Variants in FKBP5 observed in about 807,000 individuals in gnomAD.
FKBP5 encodes the protein FKBP prolyl isomerase 5.
Under a neutral mutation model 50.5 loss-of-function variants are expected in FKBP5, and 23 were observed. That is an observed-to-expected ratio of 0.46 (90% CI 0.33 to 0.65). The LOEUF (loss-of-function observed/expected upper bound fraction) is 0.65. FKBP5 is among the 30% of genes least tolerant of loss of function. The probability of loss-of-function intolerance (pLI) is 0.02; values close to 1 mark genes in which losing one functional copy is unlikely to be tolerated. For missense variants in FKBP5, 411 were observed against 553.1 expected (o/e 0.74, Z 2.58); for synonymous variants, 176 against 190.6 (o/e 0.92, Z 0.63).
chr6:35,678,589 A>T (rs1278205069), intron 1 of FKBP5, among the ~76,000 whole-genome samples: 2 of 152,192 alleles, frequency 1.3e-5, no homozygotes, highest in African/African-American at 2.4e-5. Flanking sequence ...TTTCTTTTCC[A>T]GGCTATGAAT....
chr6:35,668,946 A>C (rs1765306198), intron 1 of FKBP5, among the ~76,000 whole-genome samples: 1 of 152,170 alleles, frequency 6.6e-6, no homozygotes, highest in Admixed American at 6.6e-5. Context: ...TTTTTTTTAT[A>C]ACTTCAAAAC....
chr6:35,625,881 G>A (rs1347371997), intron 3 of FKBP5, among the ~76,000 whole-genome samples: 4 of 151,002 alleles, frequency 2.6e-5, no homozygotes, highest in South Asian at 2.1e-4. Flanking sequence ...CCGGGTTCAC[G>A]CCATTCTCCT....
At chr6:35,665,403 T>C (rs2151001540) in intron 1 of FKBP5, among the ~76,000 whole-genome samples, 1 of 151,866 alleles carries the variant, frequency 6.6e-6, no homozygotes, top group South Asian at 2.1e-4. Flanking sequence ...TTCTCCTGCC[T>C]CAGCCTCCCG....
At chr6:35,721,292 C>T (rs1209283801) in intron 1 of FKBP5, among the ~76,000 whole-genome samples, 1 of 151,548 alleles carries the variant, frequency 6.6e-6, no homozygotes, top group Non-Finnish European at 1.5e-5. Flanking sequence ...GTGGAGGTTG[C>T]AGTGAGCTGG....
At chr6:35,604,361 A>G (rs909076243) in intron 5 of FKBP5, among the ~76,000 whole-genome samples, 56 of 152,204 alleles carry the variant, frequency 3.7e-4, no homozygotes, top group African/African-American at 1.4e-3. Flanking sequence ...CTTGAAGATA[A>G]CTTTTTGGAA....
intron 2 of FKBP5, among the ~76,000 whole-genome samples, chr6:35,705,938 C>T (rs529531411): frequency 1.3e-5 from 2 of 152,026 alleles, no homozygotes; most frequent in Non-Finnish European, 2.9e-5. Context: ...GGCACAACCC[C>T]GTCTCTACTA....
Position 35,679,589 on chromosome 6 carries a change from C to T in FKBP5, c.-20+9215G>A, listed in dbSNP as rs1765613663. Among the ~76,000 whole-genome samples, 10 of 152,022 alleles carry T rather than the reference C, an allele frequency of 6.6e-5. No homozygotes were observed. In the South Asian group the frequency reaches 2.1e-3, roughly 32 times the overall value. On this transcript the variant is annotated intron_variant, in intron 1 of 10. Coordinates refer to ENST00000357266, the MANE Select transcript of FKBP5 (RefSeq NM_004117.4). ...ACACACACAACGGAATACTACTCAG[C>T]CATAAAAAAGGAATGAAATAATGTC...
intron 3 of FKBP5, among the ~76,000 whole-genome samples, chr6:35,622,246 T>C (rs1314280576): frequency 1.3e-5 from 2 of 152,214 alleles, no homozygotes; most frequent in Admixed American, 1.3e-4. Context: ...TAGTGGCTCA[T>C]ACCTCTCATC....
At chr6:35,692,597 G>A (rs922336476), upstream of FKBP5, among the ~76,000 whole-genome samples, 6 of 151,940 alleles carry the variant, frequency 3.9e-5, no homozygotes, top group African/African-American at 9.7e-5. Context: ...TCAGGAGTTC[G>A]AGACCAGCCT....
intron 1 of FKBP5, among the ~76,000 whole-genome samples, chr6:35,725,498 T>C (rs1355747676): frequency 1.3e-5 from 2 of 152,136 alleles, no homozygotes; most frequent in Non-Finnish European, 2.9e-5. Context: ...GGCTGGGTGA[T>C]GGGAGAGAGA....
At chr6:35,692,765 TG>T (rs1387291014), upstream of FKBP5, among the ~76,000 whole-genome samples, 18 of 129,798 alleles carry the variant, frequency 1.4e-4, no homozygotes, top group African/African-American at 5.0e-4. Flanking sequence ...CACTCCAGCC[TG>T]GGTGACAGAG....
At chr6:35,666,673 G>A (rs1392937734) in intron 1 of FKBP5, among the ~76,000 whole-genome samples, 3 of 151,980 alleles carry the variant, frequency 2.0e-5, no homozygotes, top group Non-Finnish European at 2.9e-5. Flanking sequence ...GGCGGATCAC[G>A]AGTTCAAGAG....
chr6:35,650,718 C>T (rs1256129466), intron 1 of FKBP5, among the ~76,000 whole-genome samples: 1 of 152,010 alleles, frequency 6.6e-6, no homozygotes, highest in Non-Finnish European at 1.5e-5. Flanking sequence ...TCAAGTGACC[C>T]GCCCGCCTCA....
chr6:35,612,300 A>G lies in FKBP5; in HGVS notation c.508+6796T>C, dbSNP rs543035805. 3.9e-5 allele frequency among the ~76,000 whole-genome samples: 6 copies of G among 152,284 alleles called. No homozygotes were observed. In the East Asian group the frequency reaches 1.2e-3, roughly 29 times the overall value. On this transcript the variant is annotated intron_variant, in intron 5 of 10. Transcript: ENST00000357266. Reference sequence around the variant, plus strand: ...TAGCTACTTGGGAGGATGAGGTGGGAGAATCACCTGAACCCGGAAGGCAGC... The same window carrying G: ...TAGCTACTTGGGAGGATGAGGTGGGGGAATCACCTGAACCCGGAAGGCAGC...
intron 1 of FKBP5, among the ~76,000 whole-genome samples, chr6:35,679,041 C>T (rs1765597390): frequency 6.6e-6 from 1 of 152,152 alleles, no homozygotes; most frequent in Non-Finnish European, 1.5e-5. Context: ...TGTGATTTCA[C>T]CACTGCATTT....
chr6:35,608,774 A>G lies in FKBP5; in HGVS notation c.508+10322T>C, dbSNP rs535246282. Among the ~76,000 whole-genome samples, 3 of 152,274 alleles carry G rather than the reference A, an allele frequency of 2.0e-5. No homozygotes were observed. The East Asian group carries it at 5.8e-4, about 29-fold the overall frequency. On this transcript the variant is annotated intron_variant, in intron 5 of 10. Coordinates refer to ENST00000357266, the MANE Select transcript of FKBP5 (RefSeq NM_004117.4). ...ATCCTCACCACCTTTTGTTAAAATA[A>G]CCCAGAATCCAGACTGTTATTATTG...
chr6:35,575,873 G>A lies in FKBP5; in HGVS notation c.1336C>T (p.Gln446Ter). 6.2e-7 allele frequency: 1 copy of A among 1,613,986 alleles called. No individual in the cohort carries two copies. Among genetic ancestry groups the A allele is most frequent in the Non-Finnish European group, 8.5e-7 (1 of 1,179,912 alleles). Residue 446 changes from glutamine to a stop codon, truncating the protein, a stop_gained, in exon 11 of 11, where the codon CAA (glutamine) becomes TAA (stop). Transcript: ENST00000357266. LOFTEE classifies it high-confidence loss of function. ...TCAGGTTTCTCTTCTTCCATTGCTT[G>A]ACTGTCTGTTCCTTTTTCATTAGTG... ...GVTNEKGTDS[Q>*]AMEEEKPEGH...
At chr6:35,620,517 C>T (rs1763800600) in intron 3 of FKBP5, among the ~76,000 whole-genome samples, 1 of 150,952 alleles carries the variant, frequency 6.6e-6, no homozygotes, top group Non-Finnish European at 1.5e-5. Context: ...CTGCTTGAGT[C>T]CAGGAATTTG....
chr6:35,591,337 C>A, intron 6 of FKBP5, 117 bp from the exon 7 acceptor site: 1 of 635,662 alleles, frequency 1.6e-6, no homozygotes, highest in Non-Finnish European at 2.7e-6. Context: ...TGTCAGAGAC[C>A]CTGAAGACAA....
Sources: allele counts gnomAD v4.1 joint callset (sites outside exome capture counted in the v4.1 genomes callset), GRCh38; gene constraint gnomAD v4.1.1; transcripts MANE v1.5; gene names NCBI Gene and HGNC (gene_info 2026-07-23, HGNC 2026-07-21).